PLA2G4A: variants seen among roughly 807,000 people sequenced by gnomAD.
PLA2G4A encodes the protein cytosolic phospholipase A2.
PLA2G4A carries 40 observed loss-of-function variants against 81.9 expected under a neutral mutation model. The ratio of observed to expected loss-of-function variants is 0.49; its 90% CI spans 0.38 to 0.64. PLA2G4A has a LOEUF of 0.64. Ranked by LOEUF, PLA2G4A falls within the 30% of genes least tolerant of loss-of-function variation. The pLI is 0.00. For missense variants in PLA2G4A, 715 were observed against 905.1 expected (o/e 0.79, Z 2.69); for synonymous variants, 302 against 296.9 (o/e 1.02, Z -0.18).
intron 2 of PLA2G4A, among the ~76,000 whole-genome samples, chr1:186,857,634 C>T (rs4651333): frequency 0.31 from 45,725 of 147,570 alleles, 7,613 homozygotes; most frequent in East Asian, 0.6. Flanking sequence ...ACTTTAAGTT[C>T]TAGGGTACAT....
chr1:186,941,186 T>C (rs1656143257), intron 10 of PLA2G4A, among the ~76,000 whole-genome samples: 1 of 150,476 alleles, frequency 6.6e-6, no homozygotes, highest in African/African-American at 2.4e-5. Context: ...TGCAGCACAA[T>C]AGCATTTCTG....
chr1:186,965,980 A>G (rs137945769), intron 15 of PLA2G4A, among the ~76,000 whole-genome samples: 2 of 152,212 alleles, frequency 1.3e-5, no homozygotes, highest in East Asian at 3.9e-4. Flanking sequence ...AAAGGAGGAG[A>G]ACAAAGGAAG....
At chr1:186,900,334 A>G (rs904837669) in intron 5 of PLA2G4A, among the ~76,000 whole-genome samples, 3 of 152,204 alleles carry the variant, frequency 2.0e-5, no homozygotes, top group Non-Finnish European at 1.5e-5. Context: ...AATGCGTAAA[A>G]CATATTAAGA....
At chr1:186,925,962 C>T (rs1264020735) in intron 7 of PLA2G4A, among the ~76,000 whole-genome samples, 1 of 152,124 alleles carries the variant, frequency 6.6e-6, no homozygotes, top group Admixed American at 6.5e-5. Context: ...CATGAGGGCA[C>T]AGATTTAGGC....
intron 2 of PLA2G4A, among the ~76,000 whole-genome samples, chr1:186,859,967 G>A (rs186977322): frequency 3.3e-5 from 5 of 152,136 alleles, no homozygotes; most frequent in Non-Finnish European, 7.4e-5. Flanking sequence ...ATGAGATGTC[G>A]CTACTAGAAA....
At chr1:186,830,970 CTTTCTT>C (rs1651551312) in intron 1 of PLA2G4A, among the ~76,000 whole-genome samples, 3 of 107,262 alleles carry the variant, frequency 2.8e-5, no homozygotes, top group East Asian at 3.0e-4. Flanking sequence ...TTCTTTCTTT[CTTTCTT>C]TCTTTCTTTC....
intron 17 of PLA2G4A, 82 bp from the exon 18 acceptor site, chr1:186,988,295 T>TAAAATAAA (rs1657955164): frequency 3.8e-6 from 4 of 1,057,918 alleles, no homozygotes; most frequent in Non-Finnish European, 5.5e-6. Context: ...ATAAAAAGAT[T>TAAAATAAA]CATTTGATTT....
At chr1:186,981,159 C>T (rs1301496801) in intron 17 of PLA2G4A, among the ~76,000 whole-genome samples, 2 of 152,020 alleles carry the variant, frequency 1.3e-5, no homozygotes, top group Non-Finnish European at 2.9e-5. Context: ...CAGTATGAGC[C>T]AATAAACTCA....
chr1:186,831,954 GT>G (rs5779305), intron 1 of PLA2G4A, among the ~76,000 whole-genome samples: 76,237 of 151,722 alleles, frequency 0.5, 19,969 homozygotes, highest in African/African-American at 0.65. Flanking sequence ...GTTAAAACAT[GT>G]TTTTTTTAAT....
chr1:186,835,510 T>C (rs1450345345), intron 1 of PLA2G4A, among the ~76,000 whole-genome samples: 2 of 152,214 alleles, frequency 1.3e-5, no homozygotes, highest in African/African-American at 2.4e-5. Flanking sequence ...TCATTCTGTA[T>C]AGACTGCTGC....
chr1:186,950,584 AC>A, intron 12 of PLA2G4A, 72 bp from the exon 13 acceptor site: 1 of 799,658 alleles, frequency 1.3e-6, no homozygotes, highest in South Asian at 1.4e-5. Flanking sequence ...TGCTCAGATT[AC>A]TTTTTTATAT....
At position 186,863,506 on chromosome 1, in the gene PLA2G4A, T is replaced by A. The variant is rs527475081; in HGVS notation, c.34-6929T>A. On this transcript the variant is annotated intron_variant, in intron 2 of 17. Transcript: ENST00000367466. Reference sequence around the variant, plus strand: ...ATCTTTGTGGTGAGCACATTAAAAATCTTCTCTTCTATTTTGAAATATGCA... The same window carrying A: ...ATCTTTGTGGTGAGCACATTAAAAAACTTCTCTTCTATTTTGAAATATGCA... Among the ~76,000 whole-genome samples the A allele has an allele frequency of 3.9e-5, 6 of 152,274 alleles. No homozygotes were observed. In the South Asian group the frequency reaches 1.2e-3, roughly 32 times the overall value.
At chr1:186,852,252 T>G (rs1197019136) in intron 1 of PLA2G4A, among the ~76,000 whole-genome samples, 1 of 151,944 alleles carries the variant, frequency 6.6e-6, no homozygotes, top group Non-Finnish European at 1.5e-5. Flanking sequence ...CATAAGTGGA[T>G]GTTAGATGGT....
At chr1:186,947,536 A>G (rs1656388789) in intron 12 of PLA2G4A, among the ~76,000 whole-genome samples, 1 of 152,188 alleles carries the variant, frequency 6.6e-6, no homozygotes, top group African/African-American at 2.4e-5. Context: ...GACAATCTCA[A>G]CTGGGGACCA....
chr1:186,919,011 C>G (rs974947978), intron 7 of PLA2G4A, among the ~76,000 whole-genome samples: 1 of 152,196 alleles, frequency 6.6e-6, no homozygotes, highest in Non-Finnish European at 1.5e-5. Flanking sequence ...TGGCCTTGGC[C>G]AGGGCCCCAC....
chr1:186,942,797 C>T (rs551809733), intron 10 of PLA2G4A, among the ~76,000 whole-genome samples: 48 of 152,234 alleles, frequency 3.2e-4, no homozygotes, highest in Non-Finnish European at 5.1e-4. Flanking sequence ...GATGTGTCTT[C>T]TTTTGACATC....
intron 7 of PLA2G4A, among the ~76,000 whole-genome samples, chr1:186,924,136 G>A (rs1230192689): frequency 2.6e-5 from 4 of 152,190 alleles, no homozygotes; most frequent in Non-Finnish European, 5.9e-5. Flanking sequence ...CTCTCAACCT[G>A]TATTGTCAAC....
At chr1:186,903,691 C>A (rs1250068163) in intron 5 of PLA2G4A, among the ~76,000 whole-genome samples, 3 of 152,182 alleles carry the variant, frequency 2.0e-5, no homozygotes, top group Admixed American at 1.3e-4. Context: ...CTGTCACTGT[C>A]CCCCTTCACC....
chr1:186,918,087 G>A (rs957240069), intron 7 of PLA2G4A, among the ~76,000 whole-genome samples: 2 of 152,164 alleles, frequency 1.3e-5, no homozygotes, highest in African/African-American at 4.8e-5. Context: ...CTTGCCCCCT[G>A]TCTGGGTGGA....
Sources: gnomAD v4.1 joint callset for allele counts (sites outside exome capture counted in the v4.1 genomes callset) on GRCh38, gnomAD v4.1.1 for gene constraint, MANE v1.5 for transcripts, NCBI Gene and HGNC (gene_info 2026-07-23, HGNC 2026-07-21) for gene names.